OLFM3: variants seen among roughly 807,000 people sequenced by gnomAD.
OLFM3 encodes noelin-3.
OLFM3 carries 20 observed loss-of-function variants against 48.6 expected under a neutral mutation model. The ratio of observed to expected loss-of-function variants is 0.41; its 90% confidence interval spans 0.29 to 0.60. OLFM3 has a LOEUF of 0.60. Among genes scored for constraint, OLFM3 ranks in the 20% least tolerant of loss-of-function variants. The pLI is 0.28. For missense variants in OLFM3, 437 were observed against 544.3 expected, an observed-to-expected ratio of 0.80 and a Z score of 1.96; for synonymous variants, 222 against 198.1, an observed-to-expected ratio of 1.12 and a Z score of -1.01.
chr1:101,899,043 A>G (rs1658300684), intron 1 of OLFM3, among the ~76,000 whole-genome samples: 1 of 152,194 alleles, frequency 6.6e-6, no homozygotes, highest in South Asian at 2.1e-4. Context: ...TCTTTAAACA[A>G]CAAACATTGA....
chr1:101,910,421 A>G (rs370906493), intron 1 of OLFM3, among the ~76,000 whole-genome samples: 27 of 151,328 alleles, frequency 1.8e-4, no homozygotes, highest in East Asian at 7.8e-4. Context: ...AGCCGAGATC[A>G]CGCCACTGCA....
intron 1 of OLFM3, among the ~76,000 whole-genome samples, chr1:101,915,441 C>A (rs1891125): frequency 6.6e-6 from 1 of 151,574 alleles, no homozygotes; most frequent in Non-Finnish European, 1.5e-5. Flanking sequence ...AATGAAGTAT[C>A]GTGCTATTGA....
intron 2 of OLFM3, 52 bp from the exon 3 acceptor site, chr1:101,830,879 C>T (rs878960587): frequency 6.5e-7 from 1 of 1,541,468 alleles, no homozygotes; most frequent in Non-Finnish European, 8.8e-7. Context: ...CAGGTTTGTG[C>T]AATCACTAAG....
At chr1:101,904,486 A>T (rs978185084) in intron 1 of OLFM3, among the ~76,000 whole-genome samples, 2 of 152,092 alleles carry the variant, frequency 1.3e-5, no homozygotes, top group Non-Finnish European at 2.9e-5. Context: ...GTGGATGAGA[A>T]TGAGTTTGTC....
intron 1 of OLFM3, among the ~76,000 whole-genome samples, chr1:101,957,588 T>C (rs4907957): frequency 0.23 from 34,860 of 151,990 alleles, 4,576 homozygotes; most frequent in Middle Eastern, 0.32. Flanking sequence ...ATAATGTGCA[T>C]GATTGGTTAT....
chr1:101,893,869 G>C (rs372642476), intron 1 of OLFM3: 2 of 153,850 alleles, frequency 1.3e-5, no homozygotes, highest in African/African-American at 4.8e-5. Flanking sequence ...TCCTACAAAA[G>C]AGTAAAGAAG....
At chr1:101,933,201 C>CAAAAAAAA (rs761881274) in intron 1 of OLFM3, among the ~76,000 whole-genome samples, 45 of 40,128 alleles carry the variant, frequency 1.1e-3, no homozygotes, top group Non-Finnish European at 1.5e-3. Context: ...GACTCCATCT[C>CAAAAAAAA]AAAAAAAAAA....
intron 4 of OLFM3, among the ~76,000 whole-genome samples, chr1:101,811,230 CTG>C (rs1207453441): frequency 6.6e-6 from 1 of 152,008 alleles, no homozygotes; most frequent in African/African-American, 2.4e-5. Flanking sequence ...GAAACACAAT[CTG>C]TAAAAATTTA....
chr1:101,951,240 T>C (rs6577292), intron 1 of OLFM3, among the ~76,000 whole-genome samples: 65,847 of 152,130 alleles, frequency 0.43, 16,100 homozygotes, highest in Middle Eastern at 0.61. Context: ...AAATACACAA[T>C]ATTTGAATTA....
At chr1:101,905,094 A>G (rs1658509710) in intron 1 of OLFM3, among the ~76,000 whole-genome samples, 1 of 152,192 alleles carries the variant, frequency 6.6e-6, no homozygotes, top group Non-Finnish European at 1.5e-5. Context: ...TGTACTCATC[A>G]GAACATATAT....
At chr1:101,966,290 G>C (rs1027189614) in intron 1 of OLFM3, among the ~76,000 whole-genome samples, 1 of 149,012 alleles carries the variant, frequency 6.7e-6, no homozygotes, top group Non-Finnish European at 1.5e-5. Context: ...TCAGCCTCCT[G>C]AGTAGCTGGC....
intron 1 of OLFM3, among the ~76,000 whole-genome samples, chr1:101,890,080 C>G (rs1047994632): frequency 2.0e-4 from 30 of 152,072 alleles, no homozygotes; most frequent in Non-Finnish European, 3.2e-4. Context: ...GTATGTCTTT[C>G]AAAGACCTTT....
rs549487899 is a variant in OLFM3 at position 101,819,517 on chromosome 1, G to A, written c.592+5509C>T. On this transcript the variant is annotated intron_variant, in intron 4 of 5. Coordinates refer to ENST00000370103, the MANE Select transcript of OLFM3 (RefSeq NM_058170.4). ...AAATCATGAATGACACTCTGAATTC[G>A]GCTGGTGGAAGTGAGGATGCAGAAG... Among the ~76,000 whole-genome samples, 3 of 152,108 alleles carry A rather than the reference G, an allele frequency of 2.0e-5. No individual in the cohort carries two copies. In the East Asian group the frequency reaches 5.8e-4, roughly 29 times the overall value.
At chr1:101,910,116 A>G (rs949334219) in intron 1 of OLFM3, 6 of 985,350 alleles carry the variant, frequency 6.1e-6, no homozygotes, top group Middle Eastern at 5.2e-4. Context: ...TCAGCTTTAC[A>G]GTTAAATAAT....
Position 101,958,838 on chromosome 1 carries a change from TATA to T in OLFM3, c.69+37907_69+37909del, listed in dbSNP as rs1557746694. On this transcript the variant is annotated intron_variant, in intron 1 of 5. Transcript: ENST00000370103. ...TCTTATGGTATACAAAGTGATATTA[TATA>T]TATATATATATATATATGATTAATG... Among the ~76,000 whole-genome samples, 9 of 20,364 alleles carry T rather than the reference TATA, an allele frequency of 4.4e-4. No homozygotes were observed. The South Asian group carries it at 7.5e-3, about 17-fold the overall frequency. 13.4% of individuals were successfully genotyped at this position (20,364 alleles called of 152,430 possible).
At chr1:101,936,708 T>C (rs1311861276) in intron 1 of OLFM3, among the ~76,000 whole-genome samples, 2 of 152,104 alleles carry the variant, frequency 1.3e-5, no homozygotes, top group African/African-American at 4.8e-5. Flanking sequence ...CTTGAAATAA[T>C]ACTGCAATGC....
At chr1:101,966,462 T>TGGGATTACAGGC (rs1660613158) in intron 1 of OLFM3, among the ~76,000 whole-genome samples, 1 of 152,142 alleles carries the variant, frequency 6.6e-6, no homozygotes. Flanking sequence ...CGTGAGCCAC[T>TGGGATTACAGGC]GTGTCGGGTC....
chr1:101,915,827 C>A (rs1470212190), intron 1 of OLFM3, among the ~76,000 whole-genome samples: 1 of 151,996 alleles, frequency 6.6e-6, no homozygotes, highest in East Asian at 1.9e-4. Flanking sequence ...AGTAAGAAGG[C>A]CCATTGTTGA....
intron 1 of OLFM3, among the ~76,000 whole-genome samples, chr1:101,855,922 T>C (rs1656391770): frequency 6.6e-6 from 1 of 151,976 alleles, no homozygotes; most frequent in Non-Finnish European, 1.5e-5. Flanking sequence ...TTCTGAAAAG[T>C]TGTTATGAGT....
Sources: gnomAD v4.1 joint callset for allele counts (sites outside exome capture counted in the v4.1 genomes callset) on GRCh38, gnomAD v4.1.1 for gene constraint, MANE v1.5 for transcripts, NCBI Gene and HGNC (gene_info 2026-07-23, HGNC 2026-07-21) for gene names.